TRIM2: variants seen among roughly 807,000 people sequenced by gnomAD.
TRIM2 encodes tripartite motif containing 2, also known as tripartite motif-containing protein 2.
A neutral mutation model predicts 75.2 loss-of-function variants in TRIM2; 20 were observed. That is an observed-to-expected ratio of 0.27 (90% CI 0.19 to 0.39). The LOEUF (loss-of-function observed/expected upper bound fraction) is 0.39. Ranked by LOEUF, TRIM2 falls within the 10% of genes least tolerant of loss-of-function variation. TRIM2 has a pLI of 1.00. For missense variants in TRIM2, 660 were observed against 990.8 expected (o/e 0.67, Z 4.48); for synonymous variants, 373 against 388.3 (o/e 0.96, Z 0.46).
At chr4:153,203,878 C>T (rs919392414), upstream of TRIM2, among the ~76,000 whole-genome samples, 4 of 150,998 alleles carry the variant, frequency 2.6e-5, no homozygotes, top group African/African-American at 9.8e-5. Flanking sequence ...GGCAACAGAG[C>T]GAGACTCCAT....
Position 153,283,861 on chromosome 4 carries a change from C to CTTTTTTTTTTTT in TRIM2, c.453+7747_453+7758dup, listed in dbSNP as rs71598257. 9.4e-5 allele frequency among the ~76,000 whole-genome samples: 5 copies of CTTTTTTTTTTTT among 53,276 alleles called. 1 individual carries two copies. Among genetic ancestry groups the CTTTTTTTTTTTT allele is most frequent in the African/African-American group, 4.3e-4 (5 of 11,750 alleles). 35.0% of individuals were successfully genotyped at this position (53,276 alleles called of 152,430 possible). ...TCATCTTGGCCAGGATGGCCTTGATCTTTTTTTTTTTTTTTTTTTTTTTTT... is the reference window on the plus strand; with the variant it reads ...TCATCTTGGCCAGGATGGCCTTGATCTTTTTTTTTTTTTTTTTTTTTTTTTTTTTTTTTTTTT... On this transcript the variant is annotated intron_variant, in intron 3 of 11. Coordinates refer to ENST00000338700, the MANE Select transcript of TRIM2 (RefSeq NM_015271.5).
At chr4:153,192,346 C>A (rs1334068584) in intron 1 of TRIM2, among the ~76,000 whole-genome samples, 1 of 152,138 alleles carries the variant, frequency 6.6e-6, no homozygotes, top group Non-Finnish European at 1.5e-5. Flanking sequence ...GTGGCTCACA[C>A]CTCTAATCCC....
chr4:153,189,008 C>T (rs551061497), intron 1 of TRIM2, among the ~76,000 whole-genome samples: 1 of 151,724 alleles, frequency 6.6e-6, no homozygotes, highest in East Asian at 1.9e-4. Flanking sequence ...CCATTTCTTT[C>T]TTTAAAAAAA....
At chr4:153,244,358 T>TTCTTCC (rs1560874371) in intron 1 of TRIM2, among the ~76,000 whole-genome samples, 45 of 22,200 alleles carry the variant, frequency 2.0e-3, no homozygotes, top group East Asian at 2.9e-3. Context: ...CTTCTTCCTC[T>TTCTTCC]TCTTCTTCTT....
intron 1 of TRIM2, among the ~76,000 whole-genome samples, chr4:153,177,920 GC>G (rs773859240): frequency 2.8e-4 from 43 of 151,960 alleles, no homozygotes; most frequent in Non-Finnish European, 5.1e-4. Context: ...TTCCACCTCA[GC>G]CTAACGAGTA....
At chr4:153,252,682 G>A (rs1751153387) in intron 1 of TRIM2, among the ~76,000 whole-genome samples, 1 of 152,082 alleles carries the variant, frequency 6.6e-6, no homozygotes, top group African/African-American at 2.4e-5. Flanking sequence ...GCTAATTTTT[G>A]TAGTTTTATT....
At chr4:153,263,829 C>CTTT (rs1198812960) in intron 1 of TRIM2, among the ~76,000 whole-genome samples, 1 of 152,160 alleles carries the variant, frequency 6.6e-6, no homozygotes, top group African/African-American at 2.4e-5. Flanking sequence ...GCCCACATGG[C>CTTT]AGAGAGCAGA....
intron 1 of TRIM2, among the ~76,000 whole-genome samples, chr4:153,208,076 G>A (rs545013999): frequency 3.3e-5 from 5 of 152,130 alleles, no homozygotes; most frequent in Non-Finnish European, 2.9e-5. Context: ...TGGAAGGATC[G>A]CTTGAGGCCA....
At chr4:153,203,721 G>A (rs1049753695), upstream of TRIM2, among the ~76,000 whole-genome samples, 26 of 152,082 alleles carry the variant, frequency 1.7e-4, no homozygotes, top group African/African-American at 5.3e-4. Flanking sequence ...GCGAAACCCC[G>A]TCTCTACTAA....
chr4:153,243,253 T>C (rs930054221), intron 1 of TRIM2, among the ~76,000 whole-genome samples: 2 of 152,158 alleles, frequency 1.3e-5, no homozygotes, highest in Non-Finnish European at 2.9e-5. Flanking sequence ...CCCACACAAT[T>C]GGAAAGTGAT....
chr4:153,267,666 TAATAAAG>T (rs1175722662), intron 1 of TRIM2, among the ~76,000 whole-genome samples: 5 of 152,090 alleles, frequency 3.3e-5, no homozygotes, highest in Non-Finnish European at 5.9e-5. Flanking sequence ...ATAATAGTAA[TAATAAAG>T]AATAAAGAAT....
At position 153,336,223 on chromosome 4, in the gene TRIM2, A is replaced by G; in HGVS notation, c.*1257A>G. On this transcript the variant is annotated 3_prime_UTR_variant, in exon 12 of 12. Coordinates refer to ENST00000338700, the MANE Select transcript of TRIM2 (RefSeq NM_015271.5). ...AAGCTTCGTCCAGCCACTCTTCAGC[A>G]CATTCCTTTACTAAGCAGTTTAAAG... The G allele has an allele frequency of 1.0e-6, 1 of 985,696 alleles. No homozygotes were observed. Among genetic ancestry groups the G allele is most frequent in the Non-Finnish European group, 1.2e-6 (1 of 829,906 alleles). The allele number at this position is 985,696 out of a possible 1,614,324, so 61.1% of individuals were successfully genotyped here.
chr4:153,225,462 G>A (rs144028796), intron 1 of TRIM2, among the ~76,000 whole-genome samples: 242 of 152,270 alleles, frequency 1.6e-3, no homozygotes, highest in African/African-American at 5.5e-3. Flanking sequence ...GCAAAGGCTG[G>A]CATAATATCA....
Position 153,188,057 on chromosome 4 carries a change from T to C in TRIM2, c.-49+34787T>C, listed in dbSNP as rs557606909. On this transcript the variant is annotated intron_variant, in intron 1 of 11. Transcript: ENST00000437508. Reference sequence around the variant, plus strand: ...AGAAAGAAGCAGCCAAGCTTTCCCATATCTGCCCTTCAGGTTCCTAGGACG... The same window carrying C: ...AGAAAGAAGCAGCCAAGCTTTCCCACATCTGCCCTTCAGGTTCCTAGGACG... Among the ~76,000 whole-genome samples the C allele has an allele frequency of 7.9e-5, 12 of 152,334 alleles. 1 individual carries two copies. Among genetic ancestry groups the C allele is most frequent in the African/African-American group, 2.9e-4 (12 of 41,578 alleles).
At chr4:153,250,696 T>C (rs995100823) in intron 1 of TRIM2, among the ~76,000 whole-genome samples, 2 of 152,218 alleles carry the variant, frequency 1.3e-5, no homozygotes, top group Non-Finnish European at 2.9e-5. Flanking sequence ...CTTGCTCTGC[T>C]CTGTGCTGGG....
At chr4:153,216,682 G>A (rs1022438651) in intron 1 of TRIM2, among the ~76,000 whole-genome samples, 3 of 152,222 alleles carry the variant, frequency 2.0e-5, no homozygotes, top group African/African-American at 7.2e-5. Flanking sequence ...TAGTTCTGGA[G>A]GCTGGAAAGT....
intron 1 of TRIM2, among the ~76,000 whole-genome samples, chr4:153,164,774 T>C (rs1730119612): frequency 6.6e-6 from 1 of 152,184 alleles, no homozygotes; most frequent in African/African-American, 2.4e-5. Flanking sequence ...CACTCTACTT[T>C]CTGTCTTTCC....
At chr4:153,318,249 A>T (rs998881530) in intron 8 of TRIM2, among the ~76,000 whole-genome samples, 1 of 152,164 alleles carries the variant, frequency 6.6e-6, no homozygotes, top group African/African-American at 2.4e-5. Flanking sequence ...TTCTGGAAGA[A>T]TTTCTGTTTT....
chr4:153,188,732 C>T (rs1039642278), intron 1 of TRIM2, among the ~76,000 whole-genome samples: 12 of 151,014 alleles, frequency 7.9e-5, no homozygotes, highest in Admixed American at 2.0e-4. Context: ...AGTTTGAGAC[C>T]GGCCTTTCCC....
Sources: allele counts gnomAD v4.1 joint callset (sites outside exome capture counted in the v4.1 genomes callset), GRCh38; gene constraint gnomAD v4.1.1; transcripts MANE v1.5; gene names NCBI Gene and HGNC (gene_info 2026-07-23, HGNC 2026-07-21).